EIF3D: variants seen among roughly 807,000 people sequenced by gnomAD.
EIF3D encodes the protein eukaryotic translation initiation factor 3 subunit D.
A neutral mutation model predicts 75.4 loss-of-function variants in EIF3D; 10 were observed. That is an observed-to-expected ratio of 0.13 (90% CI 0.08 to 0.22). EIF3D has a LOEUF of 0.22. EIF3D is among the 10% of genes least tolerant of loss of function. The probability of loss-of-function intolerance (pLI) is 1.00; values close to 1 mark genes in which losing one functional copy is unlikely to be tolerated. For synonymous variants in EIF3D, 246 were observed against 248.3 expected, an observed-to-expected ratio of 0.99 and a Z score of 0.09; for missense variants, 394 against 708.0, an observed-to-expected ratio of 0.56 and a Z score of 5.03.
chr22:36,528,988 A>T (rs1330300705), intron 1 of EIF3D, 88 bp downstream of exon 1: 2 of 309,038 alleles, frequency 6.5e-6, no homozygotes, highest in South Asian at 3.2e-4. Flanking sequence ...GGACTAAGAG[A>T]GGTCTCTTCC....
intron 1 of EIF3D, among the ~76,000 whole-genome samples, chr22:36,526,601 T>TTTTC (rs200938979): frequency 6.7e-6 from 1 of 149,660 alleles, no homozygotes; most frequent in African/African-American, 2.5e-5. Context: ...CTTAGTAGTC[T>TTTTC]TTTCTTTCTT....
chr22:36,523,092 T>C (rs756596818), intron 6 of EIF3D, 117 bp downstream of exon 6: 6 of 872,570 alleles, frequency 6.9e-6, no homozygotes, highest in South Asian at 5.4e-5. Flanking sequence ...TCTTCAAATA[T>C]ATTAAAAACC....
At chr22:36,523,166 C>G in intron 6 of EIF3D, 43 bp downstream of exon 6, 3 of 1,526,838 alleles carry the variant, frequency 2.0e-6, no homozygotes, top group Non-Finnish European at 2.7e-6. Context: ...ACCAAATAAA[C>G]AGAACCAAAT....
rs1603498840 is a variant in EIF3D, at chr22:36,517,359, T to G, written c.932A>C (p.Asn311Thr). 6.2e-7 allele frequency: 1 copy of G among 1,613,966 alleles called. No individual in the cohort carries two copies. The highest frequency in any genetic ancestry group is 8.5e-7 in the Non-Finnish European group (1 of 1,179,936). Residue 311 changes from asparagine to threonine, a missense_variant, in exon 10 of 15, where the codon AAC (asparagine) becomes ACC (threonine). Asn to Thr is a moderately conservative substitution (Grantham distance 65). Transcript: ENST00000216190. ...GATGTAGGTTGCCTCCATGGCCAGG[T>G]TGCGGGGTGAATTGAAGGAATTACC... The part of the protein sequence containing the change: ...DEGNSFNSPR[N>T]LAMEATYINH...
At chr22:36,527,595 C>CT (rs1199979583) in intron 1 of EIF3D, among the ~76,000 whole-genome samples, 1 of 152,232 alleles carries the variant, frequency 6.6e-6, no homozygotes, top group Non-Finnish European at 1.5e-5. Context: ...AATCCCAGCA[C>CT]TTTGAGAGGC....
chr22:36,517,482 A>G (rs1340941994), intron 9 of EIF3D, 51 bp from the exon 10 acceptor site: 1 of 1,574,658 alleles, frequency 6.4e-7, no homozygotes, highest in Non-Finnish European at 8.6e-7. Flanking sequence ...GTCACTGACA[A>G]TGTGCGCAGC....
intron 13 of EIF3D, 69 bp downstream of exon 13, chr22:36,512,391 G>C (rs1040875361): frequency 8.8e-6 from 14 of 1,585,896 alleles, no homozygotes; most frequent in African/African-American, 1.3e-5. Context: ...GGGGAGGGGA[G>C]GGTCAACCTC....
intron 12 of EIF3D, among the ~76,000 whole-genome samples, chr22:36,513,944 A>G (rs1463795443): frequency 1.3e-5 from 2 of 152,208 alleles, no homozygotes; most frequent in Non-Finnish European, 2.9e-5. Context: ...AATCAAATAT[A>G]GAAGTTGGGT....
At chr22:36,517,161 A>T in intron 10 of EIF3D, 140 bp downstream of exon 10, 1 of 1,127,488 alleles carries the variant, frequency 8.9e-7, no homozygotes, top group Non-Finnish European at 1.3e-6. Context: ...AAGCCCAGGC[A>T]TGTAACTCCC....
Position 36,515,267 on chromosome 22 carries a change from G to A in EIF3D, c.1206+1211C>T, listed in dbSNP as rs546176267. ...TGTTAGGCCGGGTGCTGTGGCTCACGCCTGTAATCCCAGCACTTTGGGAGG... is the reference window on the plus strand; with the variant it reads ...TGTTAGGCCGGGTGCTGTGGCTCACACCTGTAATCCCAGCACTTTGGGAGG... On this transcript the variant is annotated intron_variant, in intron 12 of 14. Transcript: ENST00000216190. Among the ~76,000 whole-genome samples the A allele has an allele frequency of 5.3e-5, 8 of 152,332 alleles. No individual in the cohort carries two copies. The South Asian group carries it at 1.0e-3, about 20-fold the overall frequency.
chr22:36,519,467 G>A lies in EIF3D; in HGVS notation c.649C>T (p.Leu217=), dbSNP rs536978507. 6.2e-7 allele frequency: 1 copy of A among 1,614,210 alleles called. No homozygotes were observed. The highest frequency in any genetic ancestry group is 1.3e-5 in the African/African-American group (1 of 75,056). The change falls in exon 8 of 15, where the codon CTG becomes TTG. Residue 217 remains leucine, a synonymous_variant. Coordinates refer to ENST00000216190, the MANE Select transcript of EIF3D (RefSeq NM_003753.4). ...DRITTRSEKP[L]RSIKRIFHTV... Reference sequence around the variant, plus strand: ...TGGAAGATGCGCTTGATGCTCCGCAGTGGCTTCTCACTCCTCGTGGTGATG... The same window carrying A: ...TGGAAGATGCGCTTGATGCTCCGCAATGGCTTCTCACTCCTCGTGGTGATG...
chr22:36,524,485 AC>A (rs1034430520), intron 4 of EIF3D, 110 bp downstream of exon 4: 2 of 1,480,732 alleles, frequency 1.4e-6, no homozygotes, highest in African/African-American at 2.8e-5. Flanking sequence ...TCACGAAAAG[AC>A]CTATAATATG....
At chr22:36,512,809 T>C in intron 12 of EIF3D, 1 of 560,264 alleles carries the variant, frequency 1.8e-6, no homozygotes, top group Non-Finnish European at 3.1e-6. Context: ...TTACAATTCC[T>C]CTCTTCTAAA....
chr22:36,523,793 G>T, intron 5 of EIF3D, 102 bp downstream of exon 5: 1 of 1,087,220 alleles, frequency 9.2e-7, no homozygotes, highest in Non-Finnish European at 1.4e-6. Context: ...TTCCTTTTTT[G>T]CAGTGGTGGG....
At chr22:36,523,819 C>A in intron 5 of EIF3D, 76 bp downstream of exon 5, 1 of 1,355,896 alleles carries the variant, frequency 7.4e-7, no homozygotes, top group South Asian at 1.2e-5. Flanking sequence ...CAACCATCCT[C>A]CTGCTTTGGT....
At chr22:36,523,004 A>G (rs1934538792) in intron 6 of EIF3D, 2 of 507,188 alleles carry the variant, frequency 3.9e-6, no homozygotes, top group African/African-American at 1.9e-5. Flanking sequence ...AAAACAGATC[A>G]AGACAGGGTG....
rs747943295 is a variant in EIF3D, at chr22:36,518,714, A to G, written c.859+49T>C. The G allele has an allele frequency of 3.7e-6, 6 of 1,607,332 alleles. No homozygotes were observed. The South Asian group carries it at 5.5e-5, about 15-fold the overall frequency. On this transcript the variant is annotated intron_variant, in intron 9 of 14. Transcript: ENST00000216190. ...TAGTACCAGAGACTTGTTCTGTACCAACAAAAATACTCAATGCCTTTGAGT... is the reference window on the plus strand; with the variant it reads ...TAGTACCAGAGACTTGTTCTGTACCGACAAAAATACTCAATGCCTTTGAGT...
Position 36,517,549 on chromosome 22 carries a change from C to T in EIF3D, c.860-118G>A, listed in dbSNP as rs997900302. The T allele has an allele frequency of 6.3e-6, 8 of 1,275,422 alleles. No homozygotes were observed. The East Asian group carries it at 1.7e-4, about 27-fold the overall frequency. The allele number at this position is 1,275,422 out of a possible 1,614,324, so 79.0% of individuals were successfully genotyped here. ...CAAGTCCTTCCTTCAAAGAACTGCC[C>T]TCTCCTAAAGTGGGTCTCCCTGGTG... On this transcript the variant is annotated intron_variant, in intron 9 of 14. Coordinates refer to ENST00000216190, the MANE Select transcript of EIF3D (RefSeq NM_003753.4).
chr22:36,520,436 C>G (rs1347538284), intron 7 of EIF3D, 140 bp downstream of exon 7: 1 of 545,874 alleles, frequency 1.8e-6, no homozygotes, highest in East Asian at 3.5e-5. Context: ...TTTCAAATAC[C>G]TCTGTTAACC....
Sources: gnomAD v4.1 joint callset for allele counts (sites outside exome capture counted in the v4.1 genomes callset) on GRCh38, gnomAD v4.1.1 for gene constraint, MANE v1.5 for transcripts, NCBI Gene and HGNC (gene_info 2026-07-23, HGNC 2026-07-21) for gene names.